The following RSPO4 variants were observed in gnomAD, a reference collection of about 807,000 sequenced individuals.
RSPO4 encodes R-spondin 4, also known as R-spondin-4.
In RSPO4, 23 loss-of-function variants were observed where a neutral mutation model predicts 24.8. The ratio of observed to expected loss-of-function variants is 0.93; its 90% CI spans 0.67 to 1.31. The LOEUF is 1.31. Among genes scored for constraint, RSPO4 ranks in the 40% most tolerant of loss-of-function variants. RSPO4 has a pLI of 0.00. For missense variants in RSPO4, 333 were observed against 316.5 expected (o/e 1.05, Z -0.39); for synonymous variants, 141 against 127.4 (o/e 1.11, Z -0.72).
chr20:965,938 T>C (rs970737169), intron 3 of RSPO4, among the ~76,000 whole-genome samples: 7 of 152,160 alleles, frequency 4.6e-5, no homozygotes, highest in African/African-American at 1.2e-4. Flanking sequence ...AATGAACAGA[T>C]TGGATTGAAT....
At chr20:980,764 CAG>C (rs1416533356) in intron 1 of RSPO4, among the ~76,000 whole-genome samples, 2 of 152,138 alleles carry the variant, frequency 1.3e-5, no homozygotes, top group African/African-American at 4.8e-5. Flanking sequence ...CAATCCCCAT[CAG>C]AATCACCTGA....
chr20:980,329 T>C (rs889207514), intron 1 of RSPO4, among the ~76,000 whole-genome samples: 6 of 152,046 alleles, frequency 3.9e-5, no homozygotes, highest in Non-Finnish European at 8.8e-5. Flanking sequence ...CCTTGCTAAG[T>C]TCCCAGTGCT....
At position 999,947 on chromosome 20, in the gene RSPO4, C is replaced by A. The variant is rs191127970; in HGVS notation, c.79+2139G>T. Among the ~76,000 whole-genome samples, 14 of 152,232 alleles carry A rather than the reference C, an allele frequency of 9.2e-5. No individual in the cohort carries two copies. In the East Asian group the frequency reaches 1.9e-3, roughly 21 times the overall value. ...GCAGTGGCATGATCTCGGCTCACTGCAACCTCTGCCTCCTGGGTTCAAGCG... is the reference window on the plus strand; with the variant it reads ...GCAGTGGCATGATCTCGGCTCACTGAAACCTCTGCCTCCTGGGTTCAAGCG... On this transcript the variant is annotated intron_variant, in intron 1 of 4. Coordinates refer to ENST00000217260, the MANE Select transcript of RSPO4 (RefSeq NM_001029871.4).
At chr20:978,986 G>T (rs1040463098) in intron 1 of RSPO4, among the ~76,000 whole-genome samples, 3 of 152,018 alleles carry the variant, frequency 2.0e-5, no homozygotes, top group Non-Finnish European at 2.9e-5. Context: ...TTCATCCTTT[G>T]CCCTCCAAAC....
intron 1 of RSPO4, among the ~76,000 whole-genome samples, chr20:973,490 T>TTTC (rs2122227073): frequency 8.7e-6 from 1 of 114,710 alleles, no homozygotes; most frequent in East Asian, 2.7e-4. Context: ...TTGTTTGTTT[T>TTTC]TGAGATGGAG....
rs1001849435 is a variant in RSPO4, at chr20:981,033, A to C, written c.80-12895T>G. On this transcript the variant is annotated intron_variant, in intron 1 of 4. Coordinates refer to ENST00000217260, the MANE Select transcript of RSPO4 (RefSeq NM_001029871.4). This position sits in a 1 kb window ranked among gnomAD's most constrained non-coding sequence, Gnocchi z 4.6. ...GCTGGCCCGAGAACTCACTTTAAGA[A>C]GCGAGGCGGGAGATGCTGTTATCAT... 6.6e-6 allele frequency among the ~76,000 whole-genome samples: 1 copy of C among 152,198 alleles called. No homozygotes were observed. The highest frequency in any genetic ancestry group is 2.1e-4 in the South Asian group (1 of 4,834).
Position 984,654 on chromosome 20 carries a change from G to C in RSPO4, c.80-16516C>G, listed in dbSNP as rs76586952. ...GAGCATCTTCAAGGACCCTATTCTG[G>C]GTCTGGTCTCTCCCCATGGGCCTTC... On this transcript the variant is annotated intron_variant, in intron 1 of 4. Transcript: ENST00000217260. 3.0e-4 allele frequency among the ~76,000 whole-genome samples: 45 copies of C among 152,238 alleles called. 2 individuals carry two copies. The East Asian group carries it at 8.7e-3, about 29-fold the overall frequency.
At chr20:979,807 C>T (rs549387762) in intron 1 of RSPO4, among the ~76,000 whole-genome samples, 1 of 152,308 alleles carries the variant, frequency 6.6e-6, no homozygotes, top group East Asian at 1.9e-4. Context: ...ACAGAACACC[C>T]CTTCCCTGTG....
chr20:967,817 G>A (rs575008896), intron 2 of RSPO4, 133 bp downstream of exon 2: 385 of 931,970 alleles, frequency 4.1e-4, no homozygotes, highest in Non-Finnish European at 5.5e-4. Context: ...CTGGACACAG[G>A]CAGGTATCTC....
In RSPO4 at chr20:997,053, C is replaced by A. The variant is rs150180999; in HGVS notation, c.79+5033G>T. Among the ~76,000 whole-genome samples, 592 of 152,350 alleles carry A rather than the reference C, an allele frequency of 3.9e-3. 6 individuals are homozygous for A. Among genetic ancestry groups the A allele is most frequent in the African/African-American group, 0.014 (570 of 41,586 alleles). ...AAAACTCTGGGTCCAGGTCCTGGCT[C>A]AGCAGCTGTGAGCTCTTTGGCAGGC... is the stretch of plus-strand genomic sequence containing the variant. On this transcript the variant is annotated intron_variant, in intron 1 of 4. Coordinates refer to ENST00000217260, the MANE Select transcript of RSPO4 (RefSeq NM_001029871.4).
At chr20:994,853 T>C (rs1985224030) in intron 1 of RSPO4, among the ~76,000 whole-genome samples, 1 of 152,180 alleles carries the variant, frequency 6.6e-6, no homozygotes, top group East Asian at 1.9e-4. Flanking sequence ...CGTGAGCCAC[T>C]GCGCCTGGCT....
intron 1 of RSPO4, among the ~76,000 whole-genome samples, chr20:1,000,878 A>G (rs1027205456): frequency 3.3e-5 from 5 of 152,068 alleles, no homozygotes; most frequent in African/African-American, 1.2e-4. Flanking sequence ...AACCCCATCC[A>G]ATCCCACCTC....
intron 1 of RSPO4, among the ~76,000 whole-genome samples, chr20:1,001,658 G>A (rs1985467003): frequency 6.6e-6 from 1 of 152,146 alleles, no homozygotes; most frequent in African/African-American, 2.4e-5. Context: ...GCTGGGACTG[G>A]GGCCTCTGGA....
At position 984,922 on chromosome 20, in the gene RSPO4, CCCAT is replaced by C. The variant is rs747290984; in HGVS notation, c.80-16788_80-16785del. The stretch of plus-strand genomic sequence containing the variant: ...ATCCCCATCCATCCATCCATCCATC[CCCAT>C]CCATCCATCCATCCATCCATCCATC... On this transcript the variant is annotated intron_variant, in intron 1 of 4. Transcript: ENST00000217260. Among the ~76,000 whole-genome samples, 687 of 115,914 alleles carry C rather than the reference CCCAT, an allele frequency of 5.9e-3. 18 individuals carry two copies. The East Asian group carries it at 0.07, about 12-fold the overall frequency. 76.0% of individuals were successfully genotyped at this position (115,914 alleles called of 152,430 possible). A position where few individuals can be genotyped will look rare whatever the true frequency, so the allele number is the denominator to read the frequency against.
chr20:994,031 G>T lies in RSPO4; in HGVS notation c.79+8055C>A, dbSNP rs538623937. Among the ~76,000 whole-genome samples the T allele has an allele frequency of 2.0e-5, 3 of 152,204 alleles. No homozygotes were observed. The South Asian group carries it at 6.2e-4, about 32-fold the overall frequency. The stretch of plus-strand genomic sequence containing the variant: ...AGGAATGCTACTGCCCACTGCACAG[G>T]TTTATTAAGGTAATTTAATCAATTA... On this transcript the variant is annotated intron_variant, in intron 1 of 4. Coordinates refer to ENST00000217260, the MANE Select transcript of RSPO4 (RefSeq NM_001029871.4).
chr20:978,692 G>C (rs1331902424), intron 1 of RSPO4, among the ~76,000 whole-genome samples: 1 of 152,162 alleles, frequency 6.6e-6, no homozygotes, highest in African/African-American at 2.4e-5. Flanking sequence ...CAAGGTGGGA[G>C]TGAAAGTCCA....
intron 1 of RSPO4, among the ~76,000 whole-genome samples, chr20:991,618 T>C (rs572542490): frequency 6.6e-6 from 1 of 151,430 alleles, no homozygotes; most frequent in Non-Finnish European, 1.5e-5. Flanking sequence ...TTAAAACAAA[T>C]TTAAACAGTT....
chr20:967,411 G>A, intron 2 of RSPO4, 97 bp from the exon 3 acceptor site: 1 of 1,342,788 alleles, frequency 7.4e-7, no homozygotes, highest in South Asian at 1.2e-5. Context: ...GTAGCTCCAG[G>A]CTTGGTAGCA....
intron 1 of RSPO4, among the ~76,000 whole-genome samples, chr20:989,756 A>G (rs1985036488): frequency 6.6e-6 from 1 of 152,236 alleles, no homozygotes; most frequent in Non-Finnish European, 1.5e-5. Context: ...AGTGGAAACC[A>G]TAACCCTTCT....
Sources: gnomAD v4.1 joint callset for allele counts (sites outside exome capture counted in the v4.1 genomes callset) on GRCh38, gnomAD v4.1.1 for gene constraint, Gnocchi (gnomAD v3.1) non-coding constraint, MANE v1.5 for transcripts, NCBI Gene and HGNC (gene_info 2026-07-23, HGNC 2026-07-21) for gene names.